The following PILRA variants were observed in gnomAD, a reference collection of about 807,000 sequenced individuals.
The protein encoded by PILRA is paired immunoglobulin-like type 2 receptor alpha.
In PILRA, 37 loss-of-function variants were observed where a neutral mutation model predicts 33.1. The observed-to-expected ratio is 1.12, with a 90% CI of 0.86 to 1.47. The LOEUF (loss-of-function observed/expected upper bound fraction) is 1.47, where lower values mean the gene tolerates loss of function less well. Ranked by LOEUF, PILRA falls within the 40% of genes most tolerant of loss-of-function variation. The pLI, the probability that PILRA is intolerant of heterozygous loss-of-function variation, is 0.00. For synonymous variants in PILRA, 146 were observed against 149.9 expected, an observed-to-expected ratio of 0.97 and a Z score of 0.19; for missense variants, 312 against 376.2, an observed-to-expected ratio of 0.83 and a Z score of 1.41.
In PILRA at chr7:100,374,213, G is replaced by C. The variant is rs1202905643; in HGVS notation, c.234G>C (p.Arg78Ser). ...RISWRRGHFH[R>S]QSFYSTRPPS... ...CCTGGAGACGGGGCCACTTCCACAG[G>C]CAGTCCTTCTACAGCACAAGGCCGC... The change falls in exon 2 of 7, where the codon AGG (arginine) becomes AGC (serine). Residue 78 changes from arginine (R) to serine (S), a missense_variant. Arg to Ser is a moderately radical substitution (Grantham distance 110). Coordinates refer to ENST00000198536, the MANE Select transcript of PILRA (RefSeq NM_013439.3). 3 of 1,614,018 alleles carry C rather than the reference G, an allele frequency of 1.9e-6. No individual in the cohort carries two copies. In the African/African-American group the frequency reaches 4.0e-5, roughly 22 times the overall value.
intron 2 of PILRA, among the ~76,000 whole-genome samples, chr7:100,376,909 G>A (rs1284113388): frequency 1.3e-5 from 2 of 150,936 alleles, no homozygotes; most frequent in Non-Finnish European, 3.0e-5. Context: ...CTACAAGCAC[G>A]CACCACCACA....
chr7:100,388,798 A>G (rs1445637546), intron 2 of PILRA, among the ~76,000 whole-genome samples: 2 of 150,430 alleles, frequency 1.3e-5, no homozygotes, highest in Admixed American at 1.3e-4. Context: ...GTAAAAACAC[A>G]CTGTATGATT....
chr7:100,379,156 C>T (rs1791022261), intron 2 of PILRA, among the ~76,000 whole-genome samples: 2 of 150,946 alleles, frequency 1.3e-5, no homozygotes, highest in South Asian at 2.1e-4. Context: ...GTAATCCCAG[C>T]ACTTTTGGAG....
In PILRA at chr7:100,389,986, C is replaced by A; in HGVS notation, c.553C>A (p.Arg185=). The change falls in exon 3 of 7, where the codon CGA becomes AGA. Residue 185 remains arginine (R), a synonymous_variant. Coordinates refer to ENST00000198536, the MANE Select transcript of PILRA (RefSeq NM_013439.3). The part of the protein sequence containing the change: ...TTGLRVTQGK[R]RSDSWHISLE... ...CGGCCTCAGGGTCACACAGGGCAAA[C>A]GACGCTCAGACTCTTGGCACATAAG... 6.2e-7 allele frequency: 1 copy of A among 1,614,060 alleles called. No homozygotes were observed. Among genetic ancestry groups the A allele is most frequent in the Non-Finnish European group, 8.5e-7 (1 of 1,179,986 alleles).
At chr7:100,388,841 G>C (rs1051335743) in intron 2 of PILRA, among the ~76,000 whole-genome samples, 1 of 151,696 alleles carries the variant, frequency 6.6e-6, no homozygotes, top group African/African-American at 2.4e-5. Context: ...CAAACTCATG[G>C]AGACAGAAAG....
Position 100,399,628 on chromosome 7 carries a change from A to G in PILRA, c.789+16A>G, listed in dbSNP as rs778075590. ...AAATCCCAAGGTAAGCAATCAGACC[A>G]GGGCCTGAAGGAATTAAAGAGAAGC... On this transcript the variant is annotated intron_variant, in intron 6 of 6. Coordinates refer to ENST00000198536, the MANE Select transcript of PILRA (RefSeq NM_013439.3). 8 of 1,613,780 alleles carry G rather than the reference A, an allele frequency of 5.0e-6. No individual in the cohort carries two copies. Among genetic ancestry groups the G allele is most frequent in the Non-Finnish European group, 6.8e-6 (8 of 1,179,770 alleles).
intron 2 of PILRA, among the ~76,000 whole-genome samples, chr7:100,383,041 G>A (rs895159338): frequency 3.3e-5 from 5 of 152,196 alleles, no homozygotes; most frequent in African/African-American, 1.2e-4. Flanking sequence ...AAAGAGAAAA[G>A]AGTAGAACTG....
chr7:100,399,911 A>G lies in PILRA; in HGVS notation c.*4A>G, dbSNP rs757561276. 2 of 1,599,568 alleles carry G rather than the reference A, an allele frequency of 1.3e-6. No individual in the cohort carries two copies. The highest frequency in any genetic ancestry group is 1.7e-6 in the Non-Finnish European group (2 of 1,172,994). Reference sequence around the variant, plus strand: ...GTACTCTGTCTTAAAGGCCTAACCAATGGACAGCCCTCTCAAGACTGAATG... The same window carrying G: ...GTACTCTGTCTTAAAGGCCTAACCAGTGGACAGCCCTCTCAAGACTGAATG... On this transcript the variant is annotated 3_prime_UTR_variant, in exon 7 of 7. Coordinates refer to ENST00000198536, the MANE Select transcript of PILRA (RefSeq NM_013439.3).
intron 2 of PILRA, among the ~76,000 whole-genome samples, chr7:100,381,062 T>C (rs1791080823): frequency 6.6e-6 from 1 of 151,918 alleles, no homozygotes; most frequent in South Asian, 2.1e-4. Context: ...GTCAGGAGAT[T>C]GAGACCATCC....
chr7:100,394,692 A>G (rs1297977356), intron 3 of PILRA, among the ~76,000 whole-genome samples: 1 of 152,090 alleles, frequency 6.6e-6, no homozygotes, highest in Non-Finnish European at 1.5e-5. Context: ...ACCCTTGCGC[A>G]TATGGTCAAA....
chr7:100,391,180 TAATA>T (rs1791383133), intron 3 of PILRA, among the ~76,000 whole-genome samples: 5 of 141,820 alleles, frequency 3.5e-5, no homozygotes, highest in Non-Finnish European at 6.1e-5. Context: ...ATAATAATAA[TAATA>T]ATTATTATTA....
Position 100,398,495 on chromosome 7 carries a change from C to T in PILRA, c.707+583C>T, listed in dbSNP as rs991527616. ...TCCTCTGGCCCCTCCTTTCCATAGC[C>T]GTAGGTCTCCTGCTGGAAGAAAGCC... On this transcript the variant is annotated intron_variant, in intron 4 of 6. Coordinates refer to ENST00000198536, the MANE Select transcript of PILRA (RefSeq NM_013439.3). Among the ~76,000 whole-genome samples the T allele has an allele frequency of 4.6e-5, 7 of 152,112 alleles. No homozygotes were observed. The East Asian group carries it at 1.2e-3, about 25-fold the overall frequency.
chr7:100,389,788 C>T (rs1779507059), intron 2 of PILRA, 100 bp from the exon 3 acceptor site: 5 of 956,602 alleles, frequency 5.2e-6, no homozygotes, highest in African/African-American at 4.8e-5. Context: ...AGCTCCCTCA[C>T]CACTAATGTC....
At chr7:100,377,231 CTTTTTTTTTTTTTTT>C (rs761225046) in intron 2 of PILRA, among the ~76,000 whole-genome samples, 4 of 100,928 alleles carry the variant, frequency 4.0e-5, no homozygotes, top group South Asian at 3.2e-4. Context: ...TTTTCTATTT[CTTTTTTTTTTTTTTT>C]TTTTTTTTTT....
At chr7:100,394,331 G>C (rs1791448413) in intron 3 of PILRA, among the ~76,000 whole-genome samples, 1 of 152,122 alleles carries the variant, frequency 6.6e-6, no homozygotes, top group Non-Finnish European at 1.5e-5. Context: ...TGTGAGGTCA[G>C]CATTACCATG....
intron 3 of PILRA, among the ~76,000 whole-genome samples, chr7:100,396,359 A>G (rs563820014): frequency 1.3e-5 from 2 of 152,270 alleles, no homozygotes; most frequent in East Asian, 3.9e-4. Context: ...TCAGTGTTTA[A>G]AAGAAATTCT....
intron 2 of PILRA, among the ~76,000 whole-genome samples, chr7:100,387,650 G>C (rs922261127): frequency 6.6e-6 from 1 of 152,202 alleles, no homozygotes; most frequent in African/African-American, 2.4e-5. Context: ...AGGCTGCAGT[G>C]AGGTACGATT....
intron 2 of PILRA, among the ~76,000 whole-genome samples, chr7:100,381,631 C>T (rs1037734486): frequency 6.6e-6 from 1 of 152,246 alleles, no homozygotes; most frequent in African/African-American, 2.4e-5. Flanking sequence ...TCTGGCCGCA[C>T]TTGAAGAGCC....
At chr7:100,392,584 C>A (rs1791409583) in intron 3 of PILRA, among the ~76,000 whole-genome samples, 1 of 152,198 alleles carries the variant, frequency 6.6e-6, no homozygotes. Context: ...AACACTGGCT[C>A]TCATGGGAGC....
Sources: gnomAD v4.1 joint callset for allele counts (sites outside exome capture counted in the v4.1 genomes callset) on GRCh38, gnomAD v4.1.1 for gene constraint, MANE v1.5 for transcripts, NCBI Gene and HGNC (gene_info 2026-07-23, HGNC 2026-07-21) for gene names.